The following SASH1 variants were observed in gnomAD, a reference collection of about 807,000 sequenced individuals.
SASH1 encodes SAM and SH3 domain containing 1.
A neutral mutation model predicts 125.2 loss-of-function variants in SASH1; 44 were observed. The ratio of observed to expected loss-of-function variants is 0.35; its 90% CI spans 0.28 to 0.45. The LOEUF (loss-of-function observed/expected upper bound fraction) is 0.45. Ranked by LOEUF, SASH1 falls within the 20% of genes least tolerant of loss-of-function variation. The pLI is 1.00. For synonymous variants in SASH1, 639 were observed against 649.1 expected (o/e 0.98, Z 0.24); for missense variants, 1,426 against 1,614.5 (o/e 0.88, Z 2.00).
chr6:148,481,373 G>A (rs1258734824), intron 7 of SASH1, among the ~76,000 whole-genome samples: 1 of 152,108 alleles, frequency 6.6e-6, no homozygotes, highest in Non-Finnish European at 1.5e-5. Context: ...GTGTCCAGTG[G>A]AGTAGCACTT....
chr6:148,526,046 CTTTTTTT>C (rs34023266), intron 11 of SASH1, among the ~76,000 whole-genome samples: 170 of 54,152 alleles, frequency 3.1e-3, no homozygotes, highest in Admixed American at 5.2e-3. Context: ...GAAGGTGAGT[CTTTTTTT>C]TTTTTTTTTT....
intron 1 of SASH1, among the ~76,000 whole-genome samples, chr6:148,388,527 G>C (rs1388046782): frequency 6.6e-6 from 1 of 152,176 alleles, no homozygotes; most frequent in Non-Finnish European, 1.5e-5. Flanking sequence ...ACTGTGCTAG[G>C]AACTTTGAGG....
intron 1 of SASH1, among the ~76,000 whole-genome samples, chr6:148,361,428 C>A (rs1010501833): frequency 2.6e-5 from 4 of 152,086 alleles, no homozygotes; most frequent in South Asian, 2.1e-4. Context: ...CATGGAGAAA[C>A]CCTGTCTCTA....
At chr6:148,287,086 C>T (rs1035332749) in intron 1 of SASH1, among the ~76,000 whole-genome samples, 4 of 152,028 alleles carry the variant, frequency 2.6e-5, no homozygotes, top group Non-Finnish European at 5.9e-5. Flanking sequence ...GCCGTTCTTG[C>T]CCCAGGTCTC....
intron 1 of SASH1, among the ~76,000 whole-genome samples, chr6:148,375,303 T>A (rs922723714): frequency 7.2e-5 from 11 of 152,120 alleles, no homozygotes; most frequent in Admixed American, 6.6e-4. Context: ...CAACATGATG[T>A]TGTGGGATAC....
intron 1 of SASH1, among the ~76,000 whole-genome samples, chr6:148,326,371 T>TATATATATAC (rs1429437404): frequency 1.3e-5 from 1 of 74,494 alleles, no homozygotes; most frequent in African/African-American, 4.4e-5. Context: ...TATATATATA[T>TATATATATAC]ATACATTCTT....
intron 2 of SASH1, among the ~76,000 whole-genome samples, chr6:148,438,746 AC>A (rs1241740886): frequency 1.7e-4 from 18 of 108,956 alleles, no homozygotes; most frequent in African/African-American, 3.3e-4. Context: ...AAAAAAAAAA[AC>A]CAAAACAAAC....
chr6:148,305,502 A>C (rs1780101741), intron 1 of SASH1, among the ~76,000 whole-genome samples: 1 of 152,074 alleles, frequency 6.6e-6, no homozygotes, highest in Non-Finnish European at 1.5e-5. Flanking sequence ...GGGCACCTAT[A>C]ATCCCAGCTA....
At chr6:148,379,661 G>A (rs563046906) in intron 1 of SASH1, among the ~76,000 whole-genome samples, 3 of 152,200 alleles carry the variant, frequency 2.0e-5, no homozygotes, top group Non-Finnish European at 2.9e-5. Flanking sequence ...TATTTATTAC[G>A]TAACTGCTAA....
At chr6:148,387,595 T>C (rs1470193267) in intron 1 of SASH1, among the ~76,000 whole-genome samples, 133 of 11,498 alleles carry the variant, frequency 0.012, no homozygotes, top group Middle Eastern at 0.071. Context: ...TTTCTTTCTT[T>C]CTTTCTTTCT....
chr6:148,199,388 A>AC, the SASH1 span, among the ~76,000 whole-genome samples: 18 of 150,466 alleles, frequency 1.2e-4, no homozygotes, highest in African/African-American at 3.2e-4. Flanking sequence ...AAAAAAAAAA[A>AC]AAACTGAGCT....
At chr6:148,215,916 G>A in the SASH1 span, among the ~76,000 whole-genome samples, 1 of 151,944 alleles carries the variant, frequency 6.6e-6, no homozygotes, top group Admixed American at 6.6e-5. Flanking sequence ...GCCGTGCAAT[G>A]GTGCGATCTT....
intron 4 of SASH1, among the ~76,000 whole-genome samples, chr6:148,465,963 G>A (rs759127526): frequency 1.3e-5 from 2 of 151,972 alleles, no homozygotes; most frequent in Non-Finnish European, 2.9e-5. Context: ...CTAACCTGTG[G>A]CTCCCCTTCC....
chr6:148,546,087 G>T lies in SASH1; in HGVS notation c.3421G>T (p.Val1141Phe). ...GGACTTGGATCAGCCCGAGCGGGAC[G>T]TCGCCGCCAACATGGACCAGATCCG... is the stretch of plus-strand genomic sequence containing the variant. ...AEDLDQPERD[V>F]AANMDQIRVK... The change falls in exon 19 of 20, where the codon GTC (valine) becomes TTC (phenylalanine). Residue 1141 changes from valine to phenylalanine, a missense_variant. Around this residue, in one of 3 missense-constraint regions of SASH1, gnomAD observed 634 missense variants for 694.4 expected, o/e 0.91. Coordinates refer to ENST00000367467, the MANE Select transcript of SASH1 (RefSeq NM_015278.5). 2 of 1,614,242 alleles carry T rather than the reference G, an allele frequency of 1.2e-6. No individual in the cohort carries two copies.
chr6:148,428,703 G>C (rs1238317205), intron 2 of SASH1, among the ~76,000 whole-genome samples: 1 of 151,478 alleles, frequency 6.6e-6, no homozygotes, highest in Middle Eastern at 3.4e-3. Context: ...CTAATGGCTG[G>C]GTGGAAATTG....
chr6:148,518,819 G>A (rs899186982), intron 9 of SASH1, among the ~76,000 whole-genome samples: 8 of 152,170 alleles, frequency 5.3e-5, no homozygotes, highest in African/African-American at 1.9e-4. Context: ...TGGCTCCAGT[G>A]AGGGCTTCAA....
In SASH1 at chr6:148,272,756, A is replaced by G. The variant is rs556454660; in HGVS notation, n.74+379A>G. On this transcript the variant is annotated intron_variant and non_coding_transcript_variant, in intron 1 of 3. Coordinates refer to the SASH1 transcript ENST00000367469. ...TATGAAAACTTTTTTAAAGATTTGC[A>G]CACACGCTAAGAATGAAGGATGTAA... Among the ~76,000 whole-genome samples the G allele has an allele frequency of 4.6e-5, 7 of 152,330 alleles. No homozygotes were observed. The South Asian group carries it at 1.4e-3, about 32-fold the overall frequency.
chr6:148,295,227 G>A (rs952614410), intron 1 of SASH1, among the ~76,000 whole-genome samples: 1 of 152,056 alleles, frequency 6.6e-6, no homozygotes, highest in African/African-American at 2.4e-5. Context: ...TAGCTTTGGG[G>A]GAAAAATAAC....
intron 1 of SASH1, among the ~76,000 whole-genome samples, chr6:148,382,714 A>G (rs1226877550): frequency 6.6e-6 from 1 of 152,042 alleles, no homozygotes; most frequent in East Asian, 1.9e-4. Context: ...ATTCTTCAGG[A>G]GGGGATCTGT....
Sources: gnomAD v4.1 joint callset for allele counts (sites outside exome capture counted in the v4.1 genomes callset) on GRCh38, gnomAD v4.1.1 for gene constraint, gnomAD v4.1.1 regional missense constraint, MANE v1.5 for transcripts, NCBI Gene and HGNC (gene_info 2026-07-23, HGNC 2026-07-21) for gene names.